Variants in ARHGEF7 observed in about 807,000 individuals in gnomAD.
The protein encoded by ARHGEF7 is Rho guanine nucleotide exchange factor 7.
A neutral mutation model predicts 109.8 loss-of-function variants in ARHGEF7; 33 were observed. The observed-to-expected ratio is 0.30, with a 90% confidence interval of 0.23 to 0.40. The LOEUF (loss-of-function observed/expected upper bound fraction) is 0.40. ARHGEF7 is among the 10% of genes least tolerant of loss of function. The probability of loss-of-function intolerance (pLI) is 1.00; values close to 1 mark genes in which losing one functional copy is unlikely to be tolerated. For synonymous variants in ARHGEF7, 458 were observed against 424.6 expected (o/e 1.08, Z -0.97); for missense variants, 938 against 1,098.5 (o/e 0.85, Z 2.07).
At chr13:111,265,352 A>G (rs1363835349) in intron 8 of ARHGEF7, 3 of 354,612 alleles carry the variant, frequency 8.5e-6, no homozygotes, top group Non-Finnish European at 1.7e-5. Flanking sequence ...GTTACTAAGA[A>G]ATGAATAAAA....
In ARHGEF7 at chr13:111,286,260, G is replaced by A; in HGVS notation, c.2044+20G>A. On this transcript the variant is annotated intron_variant, in intron 17 of 21. Transcript: ENST00000646102. Reference sequence around the variant, plus strand: ...GGAAAAGTGAGTACCTGCGGTCCGTGTGGTGGAGGACGTGGCCTCCTGGTC... The same window carrying A: ...GGAAAAGTGAGTACCTGCGGTCCGTATGGTGGAGGACGTGGCCTCCTGGTC... 6.3e-7 allele frequency: 1 copy of A among 1,598,970 alleles called. No individual in the cohort carries two copies.
At chr13:111,190,276 A>G (rs1230432240) in intron 2 of ARHGEF7, among the ~76,000 whole-genome samples, 1 of 152,214 alleles carries the variant, frequency 6.6e-6, no homozygotes, top group African/African-American at 2.4e-5. Context: ...GGGAGAAGCC[A>G]TGTTGCCCAA....
chr13:111,285,922 A>T (rs1398205735), intron 16 of ARHGEF7, among the ~76,000 whole-genome samples: 2 of 136,346 alleles, frequency 1.5e-5, no homozygotes, highest in South Asian at 2.2e-4. Flanking sequence ...TATTAGAATT[A>T]AAAAAAAAAA....
At chr13:111,289,316 G>A (rs1436596732) in intron 18 of ARHGEF7, among the ~76,000 whole-genome samples, 1 of 152,216 alleles carries the variant, frequency 6.6e-6, no homozygotes, top group Non-Finnish European at 1.5e-5. Flanking sequence ...TTACAGGCGT[G>A]AGACACAGTG....
rs372224355 is a variant in ARHGEF7, at chr13:111,288,340, G to A, written c.2045-14G>A. On this transcript the variant is annotated splice_polypyrimidine_tract_variant and intron_variant, in intron 17 of 21. Coordinates refer to ENST00000646102, the MANE Select transcript of ARHGEF7 (RefSeq NM_001354046.2). ...TTTCAGTTCGACTGTGAACTGTTGCGCATCTCTTGACAGGCACAGCTGCTT... is the reference window on the plus strand; with the variant it reads ...TTTCAGTTCGACTGTGAACTGTTGCACATCTCTTGACAGGCACAGCTGCTT... 38 of 1,603,610 alleles carry A rather than the reference G, an allele frequency of 2.4e-5. No homozygotes were observed. The highest frequency in any genetic ancestry group is 5.0e-5 in the Admixed American group (3 of 59,924).
intron 12 of ARHGEF7, among the ~76,000 whole-genome samples, chr13:111,276,276 CT>C (rs2092475096): frequency 6.6e-6 from 1 of 152,114 alleles, no homozygotes; most frequent in Non-Finnish European, 1.5e-5. Flanking sequence ...TTTATTCTAC[CT>C]TTGCAAAAAT....
chr13:111,130,576 C>A (rs2074690939), intron 1 of ARHGEF7, among the ~76,000 whole-genome samples: 1 of 152,210 alleles, frequency 6.6e-6, no homozygotes, highest in South Asian at 2.1e-4. Context: ...TTTATTTTCT[C>A]ATCAAATCTT....
chr13:111,198,348 C>T (rs1001067140), intron 2 of ARHGEF7, among the ~76,000 whole-genome samples: 9 of 152,174 alleles, frequency 5.9e-5, no homozygotes, highest in African/African-American at 1.9e-4. Flanking sequence ...AGAATTGGTT[C>T]CTTCTGGTGG....
intron 1 of ARHGEF7, among the ~76,000 whole-genome samples, chr13:111,152,457 T>C (rs1595074636): frequency 6.6e-6 from 1 of 152,322 alleles, no homozygotes; most frequent in East Asian, 1.9e-4. Flanking sequence ...ACTGAAAAAA[T>C]GTACAGTTTC....
At chr13:111,134,169 C>G (rs2074969784) in intron 1 of ARHGEF7, among the ~76,000 whole-genome samples, 1 of 152,104 alleles carries the variant, frequency 6.6e-6, no homozygotes, top group South Asian at 2.1e-4. Context: ...ATATGTGCCA[C>G]ATTTTCTTAA....
chr13:111,114,913 C>T (rs1197665446), upstream of ARHGEF7: 1 of 152,270 alleles, frequency 6.6e-6, no homozygotes, highest in Admixed American at 6.5e-5. Context: ...AGCCTGTCCC[C>T]GCCACCTTGA....
chr13:111,147,142 T>C (rs73633244), intron 1 of ARHGEF7, among the ~76,000 whole-genome samples: 19,071 of 152,216 alleles, frequency 0.13, 1,349 homozygotes, highest in African/African-American at 0.14. Context: ...TTGCTGATTA[T>C]AAATAAAGCT....
At chr13:111,161,057 G>A (rs945143327) in intron 2 of ARHGEF7, among the ~76,000 whole-genome samples, 1 of 152,202 alleles carries the variant, frequency 6.6e-6, no homozygotes. Context: ...GCTCATTGGA[G>A]TGTTTTGGAT....
rs552941235 is a variant in ARHGEF7 at position 111,225,866 on chromosome 13, A to G, written c.671-7339A>G. 2.2e-3 allele frequency among the ~76,000 whole-genome samples: 341 copies of G among 152,302 alleles called. 2 individuals are homozygous for G. Among genetic ancestry groups the G allele is most frequent in the Non-Finnish European group, 3.6e-3 (242 of 68,026 alleles). On this transcript the variant is annotated intron_variant, in intron 5 of 21. Coordinates refer to ENST00000646102, the MANE Select transcript of ARHGEF7 (RefSeq NM_001354046.2). The stretch of plus-strand genomic sequence containing the variant: ...AATTAAACCAGTTTATAACCTTACT[A>G]TGGCCTCTTAAGTGTTCAAATGAAA...
At chr13:111,234,944 C>T (rs917914741) in intron 6 of ARHGEF7, among the ~76,000 whole-genome samples, 3 of 152,138 alleles carry the variant, frequency 2.0e-5, no homozygotes, top group Non-Finnish European at 2.9e-5. Context: ...CTAACCCATT[C>T]GCTTTTTAGT....
Position 111,139,189 on chromosome 13 carries a change from A to T in ARHGEF7, c.166-14716A>T, listed in dbSNP as rs557252610. On this transcript the variant is annotated intron_variant, in intron 1 of 21. Coordinates refer to ENST00000646102, the MANE Select transcript of ARHGEF7 (RefSeq NM_001354046.2). ...GATTAGTGAACTTGATCGAGGACTC[A>T]TCAAGGGAGGGGCTCAGTGTAGACA... Among the ~76,000 whole-genome samples the T allele has an allele frequency of 3.3e-5, 5 of 152,356 alleles. No individual in the cohort carries two copies. The East Asian group carries it at 9.6e-4, about 29-fold the overall frequency.
At chr13:111,192,456 T>C (rs984999475) in intron 2 of ARHGEF7, among the ~76,000 whole-genome samples, 6 of 152,230 alleles carry the variant, frequency 3.9e-5, no homozygotes, top group Non-Finnish European at 8.8e-5. Context: ...TTTGACGAAG[T>C]TGGCCGTTTC....
intron 5 of ARHGEF7, among the ~76,000 whole-genome samples, chr13:111,229,718 CT>C (rs1334962700): frequency 1.3e-5 from 2 of 152,142 alleles, no homozygotes; most frequent in African/African-American, 4.8e-5. Flanking sequence ...AGAAATATTT[CT>C]ACAGAGAGGA....
intron 5 of ARHGEF7, among the ~76,000 whole-genome samples, chr13:111,223,880 A>C (rs1203410128): frequency 6.8e-6 from 1 of 146,434 alleles, no homozygotes; most frequent in African/African-American, 2.6e-5. Flanking sequence ...TTTTTGAGAC[A>C]GAGTCTTGCT....
Sources: gnomAD v4.1 joint callset for allele counts (sites outside exome capture counted in the v4.1 genomes callset) on GRCh38, gnomAD v4.1.1 for gene constraint, MANE v1.5 for transcripts, NCBI Gene and HGNC (gene_info 2026-07-23, HGNC 2026-07-21) for gene names.